Variants in SEM1 observed in about 807,000 individuals in gnomAD.
The protein encoded by SEM1 is SEM1 26S proteasome subunit.
SEM1 carries 3 observed loss-of-function variants against 12.7 expected under a neutral mutation model. The ratio of observed to expected loss-of-function variants is 0.24; its 90% CI spans 0.11 to 0.61. The LOEUF (loss-of-function observed/expected upper bound fraction) is 0.61. SEM1 is among the 20% of genes least tolerant of loss of function. The pLI, the probability that SEM1 is intolerant of heterozygous loss-of-function variation, is 0.88. For missense variants in SEM1, 59 were observed against 81.3 expected (o/e 0.73, Z 1.06); for synonymous variants, 30 against 27.8 (o/e 1.08, Z -0.25).
At chr7:96,655,677 C>T (rs1365884526) in intron 2 of SEM1, among the ~76,000 whole-genome samples, 8 of 152,052 alleles carry the variant, frequency 5.3e-5, no homozygotes, top group Non-Finnish European at 7.4e-5. Context: ...ACAAACCGAT[C>T]GCTCCCAAAA....
intron 2 of SEM1, among the ~76,000 whole-genome samples, chr7:96,516,413 T>A (rs75732569): frequency 1.3e-5 from 2 of 152,138 alleles, no homozygotes; most frequent in African/African-American, 4.8e-5. Context: ...ATTTAAAAAA[T>A]GGGCCAAAGA....
intron 1 of SEM1, among the ~76,000 whole-genome samples, chr7:96,699,970 C>A (rs1353219266): frequency 6.6e-6 from 1 of 152,150 alleles, no homozygotes; most frequent in Non-Finnish European, 1.5e-5. Flanking sequence ...CTATAGAAGT[C>A]AAATTTGCTT....
intron 2 of SEM1, among the ~76,000 whole-genome samples, chr7:96,625,849 G>A (rs1041787662): frequency 4.6e-5 from 7 of 152,054 alleles, no homozygotes; most frequent in Admixed American, 2.0e-4. Flanking sequence ...GTGTGACCTG[G>A]TCATCATAAT....
intron 2 of SEM1, chr7:96,664,077 G>A (rs1254837014): frequency 6.6e-6 from 1 of 152,130 alleles, no homozygotes; most frequent in Non-Finnish European, 1.5e-5. Context: ...AGCTCACAAA[G>A]CTGAAAACAA....
At chr7:96,492,324 T>C (rs4383904) in intron 1 of SEM1, among the ~76,000 whole-genome samples, 109,365 of 152,046 alleles carry the variant, frequency 0.72, 39,820 homozygotes, top group East Asian at 0.87. Context: ...TGGAATCATA[T>C]AATATTTGTC....
chr7:96,653,843 A>C lies in SEM1; in HGVS notation c.171-31200T>G, dbSNP rs569749324. On this transcript the variant is annotated intron_variant, in intron 2 of 2. Coordinates refer to the SEM1 transcript ENST00000417009. ...ACACAGTCCTCTCTTTTTCTTCTGAAAGAGGATAAAATGAAGTAGTGGCAA... is the reference window on the plus strand; with the variant it reads ...ACACAGTCCTCTCTTTTTCTTCTGACAGAGGATAAAATGAAGTAGTGGCAA... The C allele has an allele frequency of 7.2e-5, 11 of 152,320 alleles. No individual in the cohort carries two copies. The South Asian group carries it at 2.3e-3, about 32-fold the overall frequency. 9.4% of individuals were successfully genotyped at this position (152,320 alleles called of 1,614,324 possible). A position where few individuals can be genotyped will look rare whatever the true frequency, so the allele number is the denominator to read the frequency against.
rs181782540 is a variant in SEM1 at position 96,632,599 on chromosome 7, T to G, written c.171-9956A>C. On this transcript the variant is annotated intron_variant, in intron 2 of 2. Coordinates refer to the SEM1 transcript ENST00000417009. ...GGATAGCATTAGGAGAAATACCTAA[T>G]GCAGATGACAGGTTGATGGGTGCAG... 7.9e-5 allele frequency among the ~76,000 whole-genome samples: 12 copies of G among 152,176 alleles called. No individual in the cohort carries two copies. In the East Asian group the frequency reaches 2.3e-3, roughly 29 times the overall value.
upstream of SEM1, among the ~76,000 whole-genome samples, chr7:96,496,633 A>G (rs1023038671): frequency 6.6e-6 from 1 of 152,142 alleles, no homozygotes; most frequent in Non-Finnish European, 1.5e-5. Context: ...GGAACAATAA[A>G]TGTCTCAAAG....
rs1789842249 is a variant in SEM1, at chr7:96,688,917, C to T, written c.*7G>A. ...AGTTTAGGTTACTTCAACACTTCTT[C>T]TGGATGCTATGAAGTCTCCATCTTA... On this transcript the variant is annotated 3_prime_UTR_variant, in exon 3 of 3. Coordinates refer to ENST00000248566, the MANE Select transcript of SEM1 (RefSeq NM_006304.2). 3 of 1,587,976 alleles carry T rather than the reference C, an allele frequency of 1.9e-6. No individual in the cohort carries two copies. The Admixed American group carries it at 5.0e-5, about 27-fold the overall frequency.
chr7:96,494,121 C>A (rs577920156), intron 1 of SEM1, among the ~76,000 whole-genome samples: 1 of 152,268 alleles, frequency 6.6e-6, no homozygotes, highest in South Asian at 2.1e-4. Flanking sequence ...AGGAAGAAAT[C>A]TCTCGTAGTG....
chr7:96,620,478 T>C (rs1156934991), downstream of SEM1, among the ~76,000 whole-genome samples: 1 of 152,190 alleles, frequency 6.6e-6, no homozygotes, highest in Non-Finnish European at 1.5e-5. Context: ...GCAATGTCTC[T>C]GAGCAGTCTT....
At chr7:96,482,570 T>G (rs540741361) in exon 4 of SEM1, 28 of 152,084 alleles carry the variant, frequency 1.8e-4, no homozygotes, top group South Asian at 4.2e-4. Flanking sequence ...AAGTTACCAG[T>G]GGAAAGAGAT....
At chr7:96,492,797 AC>A (rs1317597944) in intron 1 of SEM1, among the ~76,000 whole-genome samples, 2 of 148,842 alleles carry the variant, frequency 1.3e-5, no homozygotes, top group African/African-American at 5.1e-5. Context: ...GTGTTTGTGT[AC>A]ACCCCATTTT....
chr7:96,707,925 G>A (rs979817488), intron 1 of SEM1, among the ~76,000 whole-genome samples: 2 of 152,208 alleles, frequency 1.3e-5, no homozygotes, highest in Non-Finnish European at 2.9e-5. Context: ...AAATGTTACA[G>A]ATAAAGTTTG....
At chr7:96,508,589 A>G (rs1803829304) in intron 2 of SEM1, among the ~76,000 whole-genome samples, 1 of 152,188 alleles carries the variant, frequency 6.6e-6, no homozygotes. Flanking sequence ...CATCTGGAAC[A>G]TAAATACAGC....
intron 1 of SEM1, among the ~76,000 whole-genome samples, chr7:96,707,997 T>C (rs1181746865): frequency 2.0e-5 from 3 of 152,226 alleles, no homozygotes; most frequent in East Asian, 3.8e-4. Flanking sequence ...TGTTTGTTTG[T>C]TTTTCTTTTT....
chr7:96,555,726 T>A, intron 2 of SEM1, among the ~76,000 whole-genome samples: 1 of 142,922 alleles, frequency 7.0e-6, no homozygotes, highest in Admixed American at 7.2e-5. Flanking sequence ...CAGAGCTGAG[T>A]TCAATTCCTG....
At chr7:96,597,522 A>G (rs1269356638) in intron 2 of SEM1, among the ~76,000 whole-genome samples, 1 of 152,100 alleles carries the variant, frequency 6.6e-6, no homozygotes, top group African/African-American at 2.4e-5. Flanking sequence ...AAGACACAAG[A>G]TGACAGGGTT....
At chr7:96,647,825 C>A (rs955320650) in intron 2 of SEM1, among the ~76,000 whole-genome samples, 2 of 152,158 alleles carry the variant, frequency 1.3e-5, no homozygotes, top group African/African-American at 4.8e-5. Flanking sequence ...AGGAAGCTCA[C>A]GTTCTGCTAC....
Sources: allele counts gnomAD v4.1 joint callset (sites outside exome capture counted in the v4.1 genomes callset), GRCh38; gene constraint gnomAD v4.1.1; transcripts MANE v1.5; gene names NCBI Gene and HGNC (gene_info 2026-07-23, HGNC 2026-07-21).